Variants in CACNB2 observed in about 807,000 individuals in gnomAD.
CACNB2 encodes calcium voltage-gated channel auxiliary subunit beta 2.
CACNB2 carries 42 observed loss-of-function variants against 73.3 expected under a neutral mutation model. That is an observed-to-expected ratio of 0.57 (90% CI 0.45 to 0.74). The LOEUF is 0.74. CACNB2 is among the 30% of genes least tolerant of loss of function. The pLI is 0.00. For missense variants in CACNB2, 940 were observed against 853.0 expected, an observed-to-expected ratio of 1.10 and a Z score of -1.27; for synonymous variants, 348 against 310.3, an observed-to-expected ratio of 1.12 and a Z score of -1.28.
At chr10:18,297,273 A>C (rs981228928) in intron 2 of CACNB2, among the ~76,000 whole-genome samples, 5 of 152,218 alleles carry the variant, frequency 3.3e-5, no homozygotes, top group Non-Finnish European at 5.9e-5. Flanking sequence ...GGCCAGGCAC[A>C]ATGGCAGATT....
intron 2 of CACNB2, among the ~76,000 whole-genome samples, chr10:18,267,122 C>A (rs1358822229): frequency 6.6e-6 from 1 of 151,794 alleles, no homozygotes; most frequent in East Asian, 1.9e-4. Context: ...GCTTTTAAGA[C>A]CTCTGTATCT....
At chr10:18,501,024 T>C in intron 5 of CACNB2, 76 bp downstream of exon 5, 1 of 1,360,044 alleles carries the variant, frequency 7.4e-7, no homozygotes, top group Non-Finnish European at 1.0e-6. Context: ...TGCTGTATTC[T>C]GTATCCTTTA....
chr10:18,296,828 T>G (rs1346805264), intron 2 of CACNB2, among the ~76,000 whole-genome samples: 1 of 152,208 alleles, frequency 6.6e-6, no homozygotes, highest in African/African-American at 2.4e-5. Flanking sequence ...GACAATGTAT[T>G]ATAGTGAGAA....
chr10:18,197,903 A>G (rs964954806), intron 2 of CACNB2, among the ~76,000 whole-genome samples: 4 of 148,640 alleles, frequency 2.7e-5, no homozygotes, highest in Admixed American at 2.0e-4. Context: ...TATATTTTAT[A>G]AATTATATAT....
At chr10:18,169,532 T>C (rs905635503) in intron 2 of CACNB2, among the ~76,000 whole-genome samples, 4 of 152,194 alleles carry the variant, frequency 2.6e-5, no homozygotes, top group Non-Finnish European at 5.9e-5. Context: ...GGGAAAAATA[T>C]TGCTCTCTGA....
chr10:18,398,599 A>G (rs903516311), intron 2 of CACNB2, among the ~76,000 whole-genome samples: 2 of 151,916 alleles, frequency 1.3e-5, no homozygotes, highest in Non-Finnish European at 2.9e-5. Context: ...TTCGCCCAGG[A>G]GGTCAAGGCT....
chr10:18,496,185 C>CAAAA (rs57139534), intron 3 of CACNB2, among the ~76,000 whole-genome samples: 11,865 of 83,360 alleles, frequency 0.14, 1,033 homozygotes, highest in African/African-American at 0.19. Context: ...GACTCAGTCT[C>CAAAA]AAAAAAAAAA....
intron 2 of CACNB2, among the ~76,000 whole-genome samples, chr10:18,222,912 G>A (rs2035851016): frequency 6.6e-6 from 1 of 152,190 alleles, no homozygotes; most frequent in South Asian, 2.1e-4. Context: ...ACTCCAGCCT[G>A]GGCGACAGAG....
Position 18,521,923 on chromosome 10 carries a change from G to A in CACNB2, c.944+2955G>A, listed in dbSNP as rs531009917. The stretch of plus-strand genomic sequence containing the variant: ...AATCCCCGGGTCACAGATCAGTACT[G>A]GTCCATGGCCTGCTAGGGGCCACAC... On this transcript the variant is annotated intron_variant, in intron 9 of 13. Transcript: ENST00000324631. Among the ~76,000 whole-genome samples the A allele has an allele frequency of 4.5e-4, 69 of 152,298 alleles. 1 individual carries two copies. The highest frequency in any genetic ancestry group is 1.6e-3 in the African/African-American group (68 of 41,568).
chr10:18,362,113 T>G (rs1270102782), intron 2 of CACNB2, among the ~76,000 whole-genome samples: 1 of 152,206 alleles, frequency 6.6e-6, no homozygotes, highest in African/African-American at 2.4e-5. Context: ...ATAAGACAAT[T>G]TGTTTAACAA....
At chr10:18,222,405 CAT>C (rs1358125010) in intron 2 of CACNB2, among the ~76,000 whole-genome samples, 1 of 88,308 alleles carries the variant, frequency 1.1e-5, no homozygotes, top group Admixed American at 1.4e-4. Context: ...AACACACACA[CAT>C]ACACACACAC....
chr10:18,192,460 G>A (rs939311929), intron 2 of CACNB2, among the ~76,000 whole-genome samples: 1 of 152,098 alleles, frequency 6.6e-6, no homozygotes, highest in East Asian at 1.9e-4. Context: ...TGATCCTCCT[G>A]CCTTAGCCTC....
intron 2 of CACNB2, among the ~76,000 whole-genome samples, chr10:18,168,689 A>T (rs1057173997): frequency 3.3e-5 from 5 of 152,192 alleles, no homozygotes; most frequent in Non-Finnish European, 5.9e-5. Context: ...ACCAAGCTCT[A>T]GGCTCTTTTT....
intron 2 of CACNB2, among the ~76,000 whole-genome samples, chr10:18,200,718 TG>T (rs2034841646): frequency 6.6e-6 from 1 of 152,176 alleles, no homozygotes; most frequent in South Asian, 2.1e-4. Flanking sequence ...CTAAGAAACT[TG>T]TAACTTCATC....
At position 18,451,887 on chromosome 10, in the gene CACNB2, A is replaced by G. The variant is rs145132947; in HGVS notation, c.334-46468A>G. 3.3e-5 allele frequency among the ~76,000 whole-genome samples: 5 copies of G among 152,316 alleles called. No individual in the cohort carries two copies. The East Asian group carries it at 9.7e-4, about 29-fold the overall frequency. ...CTTACATCTAGATAGGGCTCTATTTATGATGCTGTTATGTTGTCTTCATAA... is the reference window on the plus strand; with the variant it reads ...CTTACATCTAGATAGGGCTCTATTTGTGATGCTGTTATGTTGTCTTCATAA... On this transcript the variant is annotated intron_variant, in intron 3 of 13. Coordinates refer to ENST00000324631, the MANE Select transcript of CACNB2 (RefSeq NM_201596.3).
intron 2 of CACNB2, among the ~76,000 whole-genome samples, chr10:18,333,662 C>G (rs913834858): frequency 6.6e-6 from 1 of 152,158 alleles, no homozygotes; most frequent in Non-Finnish European, 1.5e-5. Flanking sequence ...TGTTATGATT[C>G]ACTGTCTGGC....
At chr10:18,400,482 A>C (rs1335276101) in intron 2 of CACNB2, 1 of 601,420 alleles carries the variant, frequency 1.7e-6, no homozygotes, top group East Asian at 1.3e-4. Context: ...ATAGACTAAC[A>C]GTGTGATGTG....
chr10:18,160,746 C>G (rs2032396828), intron 2 of CACNB2, among the ~76,000 whole-genome samples: 1 of 152,114 alleles, frequency 6.6e-6, no homozygotes, highest in Non-Finnish European at 1.5e-5. Flanking sequence ...TCAAAGAATA[C>G]TTCCCTCTTC....
intron 2 of CACNB2, among the ~76,000 whole-genome samples, chr10:18,205,754 G>A (rs557067921): frequency 6.6e-6 from 1 of 152,216 alleles, no homozygotes; most frequent in Admixed American, 6.5e-5. Flanking sequence ...GGAGAGAAGA[G>A]GGTAGTGTTT....
Sources: gnomAD v4.1 joint callset for allele counts (sites outside exome capture counted in the v4.1 genomes callset) on GRCh38, gnomAD v4.1.1 for gene constraint, MANE v1.5 for transcripts, NCBI Gene and HGNC (gene_info 2026-07-23, HGNC 2026-07-21) for gene names.